CDH11: variants seen among roughly 807,000 people sequenced by gnomAD.
CDH11 encodes the protein cadherin-11.
CDH11 carries 11 observed loss-of-function variants against 67.8 expected under a neutral mutation model. The observed-to-expected ratio is 0.16, with a 90% CI of 0.10 to 0.27. The LOEUF (loss-of-function observed/expected upper bound fraction) is 0.27. Among genes scored for constraint, CDH11 ranks in the 10% least tolerant of loss-of-function variants. The probability of loss-of-function intolerance (pLI) is 1.00; values close to 1 mark genes in which losing one functional copy is unlikely to be tolerated. For missense variants in CDH11, 847 were observed against 1,031.2 expected, an observed-to-expected ratio of 0.82 and a Z score of 2.45; for synonymous variants, 419 against 400.0, an observed-to-expected ratio of 1.05 and a Z score of -0.57.
chr16:65,045,511 A>G (rs1469879683), intron 2 of CDH11, among the ~76,000 whole-genome samples: 1 of 151,716 alleles, frequency 6.6e-6, no homozygotes. Context: ...GTGTCTGGCT[A>G]CAGTCTTCTA....
Position 64,947,817 on chromosome 16 carries a change from T to G in CDH11, c.2177A>C (p.Gln726Pro). ...AGCCGTGGGGTCATTGTCTGCCTCC[T>G]GTATTCTCGTGTTGATGAAGTCATC... ...DVDDFINTRI[Q>P]EADNDPTAPP... The change falls in exon 13 of 13, where the codon CAG (glutamine) becomes CCG (proline). Residue 726 changes from glutamine (Q) to proline (P), a missense_variant. Coordinates refer to ENST00000268603, the MANE Select transcript of CDH11 (RefSeq NM_001797.4). 9 of 1,614,190 alleles carry G rather than the reference T, an allele frequency of 5.6e-6. No individual in the cohort carries two copies. Among genetic ancestry groups the G allele is most frequent in the Non-Finnish European group, 6.8e-6 (8 of 1,180,020 alleles).
chr16:64,949,877 C>T (rs1410924150), intron 12 of CDH11, among the ~76,000 whole-genome samples: 2 of 152,170 alleles, frequency 1.3e-5, no homozygotes, highest in East Asian at 3.9e-4. Context: ...CTTTATCCCC[C>T]AGGACCTAAC....
intron 1 of CDH11, among the ~76,000 whole-genome samples, chr16:65,111,869 A>G (rs753258946): frequency 6.6e-6 from 1 of 152,048 alleles, no homozygotes; most frequent in East Asian, 1.9e-4. Flanking sequence ...CAGGAGTTCA[A>G]GACCAGTCTG....
chr16:65,070,290 C>T (rs1359828463), intron 1 of CDH11, among the ~76,000 whole-genome samples: 1 of 152,178 alleles, frequency 6.6e-6, no homozygotes, highest in African/African-American at 2.4e-5. Flanking sequence ...GGACACTCCT[C>T]ATGTCCACAA....
In CDH11 at chr16:64,951,489, C is replaced by T. The variant is rs746646483; in HGVS notation, c.1643-471G>A. 1.7e-3 allele frequency among the ~76,000 whole-genome samples: 251 copies of T among 152,056 alleles called. 2 individuals are homozygous for T. The highest frequency in any genetic ancestry group is 3.4e-3 in the Middle Eastern group (1 of 294). ...CTTTGCTTTCCAGGCTCACACCCTA[C>T]GTTTTCTCACCGAAAATGGTGCGGC... On this transcript the variant is annotated intron_variant, in intron 11 of 12. Coordinates refer to ENST00000268603, the MANE Select transcript of CDH11 (RefSeq NM_001797.4).
chr16:65,077,304 A>T (rs995074719), intron 1 of CDH11, among the ~76,000 whole-genome samples: 1 of 152,198 alleles, frequency 6.6e-6, no homozygotes, highest in African/African-American at 2.4e-5. Context: ...TGATGATTAC[A>T]TGTGGATAAA....
intron 1 of CDH11, among the ~76,000 whole-genome samples, chr16:65,117,985 A>G (rs1258952753): frequency 6.6e-6 from 1 of 152,186 alleles, no homozygotes; most frequent in Non-Finnish European, 1.5e-5. Context: ...AACAGGATCC[A>G]CCCACTAGAG....
chr16:64,996,657 A>T (rs2072774667), intron 4 of CDH11, among the ~76,000 whole-genome samples: 1 of 152,196 alleles, frequency 6.6e-6, no homozygotes, highest in African/African-American at 2.4e-5. Context: ...GCCCATCAAC[A>T]GTGGATTGGA....
chr16:65,072,301 T>C (rs1478054139), intron 1 of CDH11: 1 of 152,330 alleles, frequency 6.6e-6, no homozygotes, highest in East Asian at 1.9e-4. Flanking sequence ...ACACACCCAC[T>C]GCTAATGAGA....
intron 7 of CDH11, among the ~76,000 whole-genome samples, chr16:64,984,457 A>T (rs1055895743): frequency 1.3e-5 from 2 of 152,190 alleles, no homozygotes; most frequent in Non-Finnish European, 2.9e-5. Context: ...GTAGTTTCCC[A>T]TGTGAACATT....
chr16:65,112,247 A>T (rs2075173701), intron 1 of CDH11, among the ~76,000 whole-genome samples: 1 of 152,096 alleles, frequency 6.6e-6, no homozygotes, highest in Admixed American at 6.6e-5. Flanking sequence ...TAAGTAGGTA[A>T]TGAGTTACAT....
intron 2 of CDH11, among the ~76,000 whole-genome samples, chr16:65,049,524 C>A (rs1351462918): frequency 6.6e-6 from 1 of 152,146 alleles, no homozygotes; most frequent in African/African-American, 2.4e-5. Flanking sequence ...ATGTAAAGCA[C>A]ATATCACAGT....
At chr16:64,952,160 G>T (rs2071380146) in intron 11 of CDH11, among the ~76,000 whole-genome samples, 1 of 152,102 alleles carries the variant, frequency 6.6e-6, no homozygotes, top group African/African-American at 2.4e-5. Context: ...TATCATAACA[G>T]TTGTACTTCT....
intron 11 of CDH11, among the ~76,000 whole-genome samples, chr16:64,954,339 A>G (rs921631166): frequency 6.6e-6 from 1 of 152,232 alleles, no homozygotes; most frequent in Non-Finnish European, 1.5e-5. Flanking sequence ...GAAATGGACT[A>G]AGGCTTTCTT....
intron 11 of CDH11, among the ~76,000 whole-genome samples, chr16:64,969,747 A>G (rs1415179642): frequency 6.6e-6 from 1 of 150,886 alleles, no homozygotes; most frequent in Non-Finnish European, 1.5e-5. Flanking sequence ...TTATGCAAAC[A>G]CTATTTGTGC....
intron 1 of CDH11, among the ~76,000 whole-genome samples, chr16:65,109,904 CAGG>C (rs2075128025): frequency 6.6e-6 from 1 of 151,938 alleles, no homozygotes; most frequent in Non-Finnish European, 1.5e-5. Context: ...TGTTTTAAGA[CAGG>C]GTCTGGATCT....
chr16:64,953,279 T>C (rs1254016605), intron 11 of CDH11, among the ~76,000 whole-genome samples: 1 of 146,190 alleles, frequency 6.8e-6, no homozygotes, highest in African/African-American at 2.4e-5. Flanking sequence ...GATATATATA[T>C]ATGTATGTAT....
Position 65,067,220 on chromosome 16 carries a change from G to A in CDH11, c.-297-13292C>T, listed in dbSNP as rs531771587. 3.3e-5 allele frequency among the ~76,000 whole-genome samples: 5 copies of A among 150,354 alleles called. No individual in the cohort carries two copies. In the East Asian group the frequency reaches 7.8e-4, roughly 23 times the overall value. The stretch of plus-strand genomic sequence containing the variant: ...GGAAAAAAAAAAAAAGAGAAACGAC[G>A]AATCCAGGAGTTAAATGAATCCTTT... On this transcript the variant is annotated intron_variant, in intron 1 of 12. Transcript: ENST00000268603.
At chr16:64,948,405 A>G (rs999170561) in intron 12 of CDH11, among the ~76,000 whole-genome samples, 1 of 152,206 alleles carries the variant, frequency 6.6e-6, no homozygotes, top group African/African-American at 2.4e-5. Context: ...AACTAGGAAG[A>G]TTCTAAATAT....
Sources: gnomAD v4.1 joint callset for allele counts (sites outside exome capture counted in the v4.1 genomes callset) on GRCh38, gnomAD v4.1.1 for gene constraint, MANE v1.5 for transcripts, NCBI Gene and HGNC (gene_info 2026-07-23, HGNC 2026-07-21) for gene names.